MID1: variants seen among roughly 807,000 people sequenced by gnomAD.
MID1 encodes E3 ubiquitin-protein ligase Midline-1.
MID1 carries 7 observed loss-of-function variants against 40.4 expected under a neutral mutation model. The ratio of observed to expected loss-of-function variants is 0.17; its 90% CI spans 0.10 to 0.33. The LOEUF (loss-of-function observed/expected upper bound fraction) is 0.33, where lower values mean the gene tolerates loss of function less well. Among genes scored for constraint, MID1 ranks in the 10% least tolerant of loss-of-function variants. The probability of loss-of-function intolerance (pLI) is 1.00; values close to 1 mark genes in which losing one functional copy is unlikely to be tolerated. For missense variants in MID1, 367 were observed against 558.5 expected, an observed-to-expected ratio of 0.66 and a Z score of 3.46; for synonymous variants, 229 against 221.2, an observed-to-expected ratio of 1.04 and a Z score of -0.31.
chrX:10,486,181 C>T (rs766161764), intron 4 of MID1, among the ~76,000 whole-genome samples: 17 of 112,395 alleles, frequency 1.5e-4, no homozygotes, highest in African/African-American at 5.2e-4. Context: ...TAGGTACTAA[C>T]GTGTAATAAT....
At position 10,709,371 on chromosome X, in the gene MID1, A is replaced by C. The variant is rs151206252; in HGVS notation, c.-186-88952T>G. Among the ~76,000 whole-genome samples the C allele has an allele frequency of 6.4e-3, 720 of 112,251 alleles. 5 individuals are homozygous for C. Among genetic ancestry groups the C allele is most frequent in the African/African-American group, 0.022 (686 of 30,906 alleles). On this transcript the variant is annotated intron_variant, in intron 1 of 10. Transcript: ENST00000380785. ...TAGCTGATGGTATCTTTCCTTTTCCACTGTTAGAAATATCATGTGTGCAAT... is the reference window on the plus strand; with the variant it reads ...TAGCTGATGGTATCTTTCCTTTTCCCCTGTTAGAAATATCATGTGTGCAAT...
intron 5 of MID1, among the ~76,000 whole-genome samples, chrX:10,480,723 C>T (rs1602281085): frequency 8.9e-6 from 1 of 111,760 alleles, no homozygotes; most frequent in African/African-American, 3.3e-5. Flanking sequence ...AAGTACATAA[C>T]AGGGATGATA....
upstream of MID1, among the ~76,000 whole-genome samples, chrX:10,621,650 G>A (rs1025527696): frequency 1.8e-5 from 2 of 110,253 alleles, no homozygotes; most frequent in Non-Finnish European, 3.8e-5. Flanking sequence ...AGTGTCAGCT[G>A]CATGGGTTCA....
chrX:10,659,166 T>C (rs2042895648), intron 1 of MID1, among the ~76,000 whole-genome samples: 1 of 112,087 alleles, frequency 8.9e-6, no homozygotes, highest in African/African-American at 3.2e-5. Context: ...ATTAATTGTG[T>C]TTTCACTGGT....
intron 2 of MID1, among the ~76,000 whole-genome samples, chrX:10,537,465 G>A (rs1933303408): frequency 8.9e-6 from 1 of 112,159 alleles, no homozygotes; most frequent in Admixed American, 9.4e-5. Flanking sequence ...ACACTCTGGG[G>A]AGGCAGTGTC....
At chrX:10,550,894 C>T (rs977340978) in intron 2 of MID1, among the ~76,000 whole-genome samples, 1 of 110,910 alleles carries the variant, frequency 9.0e-6, no homozygotes, top group African/African-American at 3.3e-5. Flanking sequence ...GATACCTTAC[C>T]ATCCTGTCTC....
At chrX:10,582,006 T>C (rs1935030687) in intron 1 of MID1, among the ~76,000 whole-genome samples, 2 of 112,047 alleles carry the variant, frequency 1.8e-5, no homozygotes, top group Admixed American at 9.5e-5. Context: ...TTTGCCAGTT[T>C]CGTTTCATGA....
intron 3 of MID1, among the ~76,000 whole-genome samples, chrX:10,510,303 C>G (rs916505134): frequency 9.0e-6 from 1 of 111,353 alleles, no homozygotes; most frequent in South Asian, 3.8e-4. Context: ...TAAAACATTT[C>G]TATCACCCTA....
At chrX:10,506,131 GAGT>G in intron 3 of MID1, 1 of 856,147 alleles carries the variant, frequency 1.2e-6, no homozygotes, top group Admixed American at 6.5e-5. Context: ...CAGGAGAAGT[GAGT>G]AGATTGATTT....
intron 1 of MID1, among the ~76,000 whole-genome samples, chrX:10,755,488 A>T (rs2043627044): frequency 8.9e-6 from 1 of 111,770 alleles, no homozygotes; most frequent in South Asian, 3.7e-4. Flanking sequence ...ATTCCTCGAG[A>T]AGCATAAGAA....
At chrX:10,506,141 A>T in intron 3 of MID1, 1 of 870,666 alleles carries the variant, frequency 1.1e-6, no homozygotes, top group Non-Finnish European at 1.4e-6. Context: ...GAGTAGATTG[A>T]TTTTTAAATA....
chrX:10,609,832 C>G (rs1317789891), intron 1 of MID1, among the ~76,000 whole-genome samples: 2 of 108,626 alleles, frequency 1.8e-5, no homozygotes, highest in African/African-American at 6.7e-5. Flanking sequence ...ATTCTCCTGC[C>G]TCAGCCTCTA....
chrX:10,804,978 G>C (rs927156750), intron 1 of MID1, among the ~76,000 whole-genome samples: 1 of 111,005 alleles, frequency 9.0e-6, no homozygotes, highest in Non-Finnish European at 1.9e-5. Context: ...AGAACCTTGT[G>C]GGGGGAATCC....
chrX:10,696,248 A>G (rs750756231), intron 1 of MID1, among the ~76,000 whole-genome samples: 3 of 111,862 alleles, frequency 2.7e-5, no homozygotes, highest in East Asian at 2.8e-4. Flanking sequence ...AAATGCCTCA[A>G]GTGAGCATGT....
At chrX:10,810,878 T>G (rs1202709690) in intron 1 of MID1, among the ~76,000 whole-genome samples, 1 of 110,759 alleles carries the variant, frequency 9.0e-6, no homozygotes, top group African/African-American at 3.3e-5. Context: ...TTATTATTTT[T>G]TATAATACCG....
intron 1 of MID1, among the ~76,000 whole-genome samples, chrX:10,761,755 A>AT (rs1236622957): frequency 8.9e-6 from 1 of 112,126 alleles, no homozygotes; most frequent in Non-Finnish European, 1.9e-5. Flanking sequence ...CTTGGGAGAC[A>AT]TAAGTGATAG....
At chrX:10,544,247 A>G (rs922897622) in intron 2 of MID1, among the ~76,000 whole-genome samples, 2 of 110,168 alleles carry the variant, frequency 1.8e-5, no homozygotes, top group Non-Finnish European at 3.8e-5. Context: ...AATGCCTGTT[A>G]TGATTGTTGC....
intron 1 of MID1, among the ~76,000 whole-genome samples, chrX:10,803,456 G>A (rs1401369425): frequency 1.9e-5 from 2 of 106,846 alleles, no homozygotes; most frequent in African/African-American, 3.4e-5. Context: ...AGGTTCAAGC[G>A]ATTCTCCTGC....
chrX:10,591,597 G>A (rs964583582), intron 1 of MID1, among the ~76,000 whole-genome samples: 5 of 111,562 alleles, frequency 4.5e-5, no homozygotes, highest in South Asian at 3.8e-4. Context: ...TTATTGTGCC[G>A]GAGCCACTGC....
Sources: allele counts gnomAD v4.1 joint callset (sites outside exome capture counted in the v4.1 genomes callset), GRCh38; gene constraint gnomAD v4.1.1; transcripts MANE v1.5; gene names NCBI Gene and HGNC (gene_info 2026-07-23, HGNC 2026-07-21).